The following NLGN1 variants were observed in gnomAD, a reference collection of about 807,000 sequenced individuals.
NLGN1 encodes neuroligin-1.
A neutral mutation model predicts 65.5 loss-of-function variants in NLGN1; 12 were observed. The observed-to-expected ratio is 0.18, with a 90% confidence interval of 0.12 to 0.30. NLGN1 has a LOEUF of 0.30. NLGN1 is among the 10% of genes least tolerant of loss of function. NLGN1 has a pLI of 1.00. For synonymous variants in NLGN1, 350 were observed against 359.5 expected (o/e 0.97, Z 0.30); for missense variants, 750 against 1,007.1 (o/e 0.74, Z 3.46).
intron 4 of NLGN1, among the ~76,000 whole-genome samples, chr3:174,079,995 T>G (rs1293519970): frequency 6.6e-6 from 1 of 151,898 alleles, no homozygotes; most frequent in African/African-American, 2.4e-5. Flanking sequence ...TGACACAAGT[T>G]TATCTATGTA....
At chr3:173,413,947 T>G (rs903312524) in intron 1 of NLGN1, among the ~76,000 whole-genome samples, 3 of 152,218 alleles carry the variant, frequency 2.0e-5, no homozygotes, top group Non-Finnish European at 4.4e-5. Context: ...GAGCTTTGTA[T>G]GTACAGAGAA....
intron 2 of NLGN1, among the ~76,000 whole-genome samples, chr3:173,489,951 ATTTG>A (rs1483212490): frequency 6.6e-6 from 1 of 151,828 alleles, no homozygotes; most frequent in African/African-American, 2.4e-5. Context: ...TTTCTTGTAA[ATTTG>A]TTTGTGTTGT....
chr3:173,824,470 TTAAA>T (rs1250416432), intron 4 of NLGN1, among the ~76,000 whole-genome samples: 4 of 152,052 alleles, frequency 2.6e-5, no homozygotes, highest in Non-Finnish European at 4.4e-5. Context: ...TTTTAAAAAA[TTAAA>T]TAAAGCAATG....
chr3:173,645,359 C>A (rs1758084610), intron 3 of NLGN1, among the ~76,000 whole-genome samples: 1 of 152,212 alleles, frequency 6.6e-6, no homozygotes, highest in Non-Finnish European at 1.5e-5. Flanking sequence ...CAACATTGGG[C>A]TTTTGGAGGT....
chr3:173,593,598 A>G (rs1230219361), intron 2 of NLGN1, among the ~76,000 whole-genome samples: 1 of 152,180 alleles, frequency 6.6e-6, no homozygotes, highest in Non-Finnish European at 1.5e-5. Context: ...CAGGCCTTGA[A>G]AGGTACTAGC....
In NLGN1 at chr3:173,425,404, C is replaced by CA. The variant is rs1361059108; in HGVS notation, c.-389-9599dup. On this transcript the variant is annotated intron_variant, in intron 1 of 6. Coordinates refer to ENST00000457714, the Ensembl canonical transcript of NLGN1. ...AATCTCATTTGTCACCTGTGTTACC[C>CA]AAAAAAATCATTGTCCAGATTAATG... 2.0e-5 allele frequency among the ~76,000 whole-genome samples: 3 copies of CA among 151,768 alleles called. No individual in the cohort carries two copies. In the East Asian group the frequency reaches 5.8e-4, roughly 29 times the overall value.
At chr3:173,477,669 T>C (rs1726474273) in intron 2 of NLGN1, among the ~76,000 whole-genome samples, 2 of 151,938 alleles carry the variant, frequency 1.3e-5, no homozygotes, top group Admixed American at 6.6e-5. Context: ...CCAAAGAAAA[T>C]GGAAGCATGG....
chr3:173,538,378 T>G (rs1737817029), intron 2 of NLGN1, among the ~76,000 whole-genome samples: 1 of 152,214 alleles, frequency 6.6e-6, no homozygotes, highest in African/African-American at 2.4e-5. Flanking sequence ...GCTGCACTTC[T>G]TTTGCTGTGA....
At chr3:174,148,936 A>T (rs563027198) in intron 4 of NLGN1, among the ~76,000 whole-genome samples, 2 of 152,300 alleles carry the variant, frequency 1.3e-5, no homozygotes, top group South Asian at 4.1e-4. Context: ...GCAGTGTGTC[A>T]TTCAAAACCT....
At chr3:173,436,364 G>A (rs1240473905) in intron 2 of NLGN1, among the ~76,000 whole-genome samples, 8 of 152,044 alleles carry the variant, frequency 5.3e-5, no homozygotes, top group Admixed American at 3.9e-4. Context: ...CTGGTTAGTG[G>A]CTCCCATTCT....
intron 4 of NLGN1, among the ~76,000 whole-genome samples, chr3:174,120,162 G>A (rs1457688894): frequency 2.6e-5 from 4 of 152,066 alleles, no homozygotes; most frequent in Admixed American, 6.6e-5. Flanking sequence ...CAATTTACAT[G>A]GCATCAAGTA....
At chr3:173,850,503 G>A (rs1427921004) in intron 4 of NLGN1, among the ~76,000 whole-genome samples, 1 of 152,050 alleles carries the variant, frequency 6.6e-6, no homozygotes, top group Non-Finnish European at 1.5e-5. Flanking sequence ...TGCCTTGTGG[G>A]TTTCTTTTGG....
chr3:173,568,759 C>G (rs549917553), intron 2 of NLGN1, among the ~76,000 whole-genome samples: 1 of 152,174 alleles, frequency 6.6e-6, no homozygotes, highest in Non-Finnish European at 1.5e-5. Context: ...CTGCAAGCTC[C>G]GCCTCCTGGG....
At chr3:173,994,465 CAAAAA>C (rs1170577220) in intron 4 of NLGN1, among the ~76,000 whole-genome samples, 6 of 32,914 alleles carry the variant, frequency 1.8e-4, no homozygotes, top group Admixed American at 8.9e-4. Context: ...TTGAGAAAAG[CAAAAA>C]AAAAAAAAAA....
intron 4 of NLGN1, among the ~76,000 whole-genome samples, chr3:173,935,288 A>G (rs746856355): frequency 6.6e-6 from 1 of 152,038 alleles, no homozygotes; most frequent in Non-Finnish European, 1.5e-5. Flanking sequence ...GGACCTGCCT[A>G]AGGTTATACA....
chr3:173,562,515 C>T (rs997989128), intron 2 of NLGN1, among the ~76,000 whole-genome samples: 6 of 151,044 alleles, frequency 4.0e-5, no homozygotes, highest in South Asian at 2.1e-4. Context: ...TGCAGTGAGC[C>T]GAGATCTCGC....
intron 3 of NLGN1, among the ~76,000 whole-genome samples, chr3:173,723,716 G>C (rs1771262137): frequency 1.3e-5 from 2 of 152,160 alleles, no homozygotes; most frequent in South Asian, 4.1e-4. Flanking sequence ...GAGATAGAAA[G>C]TCAGAGAAGG....
intron 4 of NLGN1, among the ~76,000 whole-genome samples, chr3:173,903,011 A>C (rs1197070764): frequency 6.6e-6 from 1 of 152,132 alleles, no homozygotes; most frequent in African/African-American, 2.4e-5. Context: ...CTTACCACCC[A>C]ACTTAGCTTT....
chr3:173,866,357 G>GAAAC lies in NLGN1; in HGVS notation c.646+58541_646+58544dup, dbSNP rs576430468. Among the ~76,000 whole-genome samples, 953 of 152,032 alleles carry GAAAC rather than the reference G, an allele frequency of 6.3e-3. 13 individuals carry two copies. The highest frequency in any genetic ancestry group is 0.022 in the African/African-American group (902 of 41,482). ...ACAAGAGTGAAACTCCATCTCAAAA[G>GAAAC]AAACAAACAAACAAACAAAAAAAGG... On this transcript the variant is annotated intron_variant, in intron 4 of 6. Coordinates refer to ENST00000457714, the Ensembl canonical transcript of NLGN1.
Sources: gnomAD v4.1 joint callset for allele counts (sites outside exome capture counted in the v4.1 genomes callset) on GRCh38, gnomAD v4.1.1 for gene constraint, MANE v1.5 for transcripts, NCBI Gene and HGNC (gene_info 2026-07-23, HGNC 2026-07-21) for gene names.